RIMBP2: variants seen among roughly 807,000 people sequenced by gnomAD.
The protein encoded by RIMBP2 is RIMS-binding protein 2.
A neutral mutation model predicts 118.6 loss-of-function variants in RIMBP2; 48 were observed. That is an observed-to-expected ratio of 0.40 (90% confidence interval 0.32 to 0.51). The LOEUF is 0.51. Ranked by LOEUF, RIMBP2 falls within the 20% of genes least tolerant of loss-of-function variation. RIMBP2 has a pLI of 0.41. For missense variants in RIMBP2, 1,551 were observed against 1,768.3 expected, an observed-to-expected ratio of 0.88 and a Z score of 2.20; for synonymous variants, 762 against 742.9, an observed-to-expected ratio of 1.03 and a Z score of -0.42.
At chr12:130,716,026 C>T (rs1950304464) in intron 1 of RIMBP2, among the ~76,000 whole-genome samples, 196 bp downstream of exon 1, 1 of 151,974 alleles carries the variant, frequency 6.6e-6, no homozygotes, top group Admixed American at 6.5e-5. Flanking sequence ...GCCAGCAGGG[C>T]GAGCCGCTGC....
chr12:130,529,187 C>CTGATT (rs1200121279), intron 2 of RIMBP2, among the ~76,000 whole-genome samples: 2 of 152,122 alleles, frequency 1.3e-5, no homozygotes, highest in Admixed American at 1.3e-4. Context: ...CTGATTCATG[C>CTGATT]CACAACAGGG....
chr12:130,470,426 GAC>G (rs1321923905), intron 6 of RIMBP2: 2 of 354,054 alleles, frequency 5.6e-6, no homozygotes, highest in Non-Finnish European at 1.0e-5. Context: ...CCACATCTGA[GAC>G]ACACAGTTCT....
chr12:130,630,843 T>C (rs1392849814), intron 1 of RIMBP2, among the ~76,000 whole-genome samples: 1 of 152,104 alleles, frequency 6.6e-6, no homozygotes, highest in Non-Finnish European at 1.5e-5. Flanking sequence ...CAGTCAAGTG[T>C]GAGGATAGAG....
At chr12:130,604,094 AC>A (rs1415699811) in intron 2 of RIMBP2, among the ~76,000 whole-genome samples, 1 of 151,990 alleles carries the variant, frequency 6.6e-6, no homozygotes, top group Non-Finnish European at 1.5e-5. Context: ...GATGATCCTG[AC>A]CCCGGGTAGG....
intron 2 of RIMBP2, among the ~76,000 whole-genome samples, chr12:130,611,511 G>A (rs1408611202): frequency 3.3e-5 from 5 of 152,196 alleles, no homozygotes; most frequent in African/African-American, 7.2e-5. Flanking sequence ...GCCGGCTACC[G>A]GGCTTCGCTG....
chr12:130,683,739 T>TACAA lies in RIMBP2; in HGVS notation c.-352+32479_-352+32482dup, dbSNP rs2064912008. 6.6e-6 allele frequency among the ~76,000 whole-genome samples: 1 copy of TACAA among 152,178 alleles called. No homozygotes were observed. The highest frequency in any genetic ancestry group is 2.4e-5 in the African/African-American group (1 of 41,444). On this transcript the variant is annotated intron_variant, in intron 1 of 22. Transcript: ENST00000690449. This position sits in a 1 kb window ranked among gnomAD's most constrained non-coding sequence, Gnocchi z 4.4. ...CACTCCCACCAGCACTACGACAATT[T>TACAA]ACAAACGCCATGGCAATGTCAGGAA...
At chr12:130,552,691 A>G (rs547596100) in intron 2 of RIMBP2, among the ~76,000 whole-genome samples, 71 of 152,328 alleles carry the variant, frequency 4.7e-4, no homozygotes, top group African/African-American at 1.5e-3. Flanking sequence ...AGACAAATTC[A>G]TGATAAAAAG....
At chr12:130,464,515 G>A (rs1420555354) in intron 6 of RIMBP2, among the ~76,000 whole-genome samples, 3 of 152,164 alleles carry the variant, frequency 2.0e-5, no homozygotes, top group African/African-American at 4.8e-5. Context: ...ATTGATCACT[G>A]GCTGAATACC....
Position 130,403,445 on chromosome 12 carries a change from T to A in RIMBP2, c.3765+2727A>T, listed in dbSNP as rs139844735. Among the ~76,000 whole-genome samples the A allele has an allele frequency of 3.9e-3, 593 of 152,314 alleles. 3 individuals are homozygous for A. Among genetic ancestry groups the A allele is most frequent in the African/African-American group, 0.014 (565 of 41,570 alleles). On this transcript the variant is annotated intron_variant, in intron 21 of 22. Transcript: ENST00000690449. ...AACATGCAGACAAATTAGAAAAATC[T>A]TCTTAAATTCCAGGAAAGCCCATTG... is the stretch of plus-strand genomic sequence containing the variant.
At chr12:130,664,415 A>ACGCACGCACACACGCACACACACACACG (rs1195044326) in intron 1 of RIMBP2, among the ~76,000 whole-genome samples, 3 of 130,496 alleles carry the variant, frequency 2.3e-5, no homozygotes, top group Non-Finnish European at 3.4e-5. Flanking sequence ...ACGCACGCAC[A>ACGCACGCACACACGCACACACACACACG]CACACGCACA....
At chr12:130,514,520 C>G (rs180765163) in intron 3 of RIMBP2, among the ~76,000 whole-genome samples, 95 of 152,266 alleles carry the variant, frequency 6.2e-4, no homozygotes, top group African/African-American at 2.1e-3. Context: ...CCCATCCCCC[C>G]ACAGCTGGCA....
At chr12:130,601,338 A>G (rs1369357469) in intron 2 of RIMBP2, among the ~76,000 whole-genome samples, 4 of 98,298 alleles carry the variant, frequency 4.1e-5, no homozygotes, top group Non-Finnish European at 7.1e-5. Flanking sequence ...GGGCAGGCAA[A>G]AAAAAAAAAA....
At chr12:130,679,571 T>G (rs2064668877) in intron 1 of RIMBP2, among the ~76,000 whole-genome samples, 1 of 152,220 alleles carries the variant, frequency 6.6e-6, no homozygotes, top group Admixed American at 6.5e-5. Flanking sequence ...GTCCTGTCTC[T>G]GATGGTGCGG....
chr12:130,658,197 C>G (rs2063507475), intron 1 of RIMBP2: 1 of 152,276 alleles, frequency 6.6e-6, no homozygotes, highest in African/African-American at 2.4e-5. Context: ...AAGGTCAGCC[C>G]TGAGGAGGGA....
At position 130,648,658 on chromosome 12, in the gene RIMBP2, C is replaced by CTTT. The variant is rs575247641; in HGVS notation, c.-351-20205_-351-20203dup. On this transcript the variant is annotated intron_variant, in intron 1 of 22. Coordinates refer to ENST00000690449, the MANE Select transcript of RIMBP2 (RefSeq NM_001393629.1). ...GTTAAAAACTATCTAAAATTAGTAT[C>CTTT]TTTTTTTTTTTTTTTGAGACGGAGT... is the stretch of plus-strand genomic sequence containing the variant. 7.7e-3 allele frequency among the ~76,000 whole-genome samples: 1,015 copies of CTTT among 132,552 alleles called. 136 individuals carry two copies. Among genetic ancestry groups the CTTT allele is most frequent in the Non-Finnish European group, 0.014 (832 of 59,206 alleles). The allele number at this position is 132,552 out of a possible 152,430, so 87.0% of individuals were successfully genotyped here. A position where few individuals can be genotyped will look rare whatever the true frequency, so the allele number is the denominator to read the frequency against.
At position 130,414,282 on chromosome 12, in the gene RIMBP2, G is replaced by A. The variant is rs1262093247; in HGVS notation, c.3263C>T (p.Ser1088Phe). The A allele has an allele frequency of 6.2e-7, 1 of 1,603,616 alleles. No homozygotes were observed. The highest frequency in any genetic ancestry group is 1.1e-5 in the South Asian group (1 of 90,022). Residue 1088 changes from serine to phenylalanine, a missense_variant, in exon 18 of 23, where the codon TCT (serine) becomes TTT (phenylalanine). Physicochemically the swap from Ser to Phe is radical, Grantham distance 155. Coordinates refer to ENST00000690449, the MANE Select transcript of RIMBP2 (RefSeq NM_001393629.1). ...SIDDYGRDRL[S>F]PDFYEESETD... ...TTCTGACTCTTCATAGAAGTCTGGA[G>A]AAAGGCGGTCTCGCCCGTAATCGTC... is the stretch of plus-strand genomic sequence containing the variant.
At chr12:130,455,632 T>G (rs1312026111) in intron 7 of RIMBP2, among the ~76,000 whole-genome samples, 3 of 152,196 alleles carry the variant, frequency 2.0e-5, no homozygotes, top group Non-Finnish European at 4.4e-5. Context: ...AAGACACAAG[T>G]GGCATCTCCT....
At chr12:130,570,006 G>A (rs1047884330) in intron 2 of RIMBP2, among the ~76,000 whole-genome samples, 6 of 152,156 alleles carry the variant, frequency 3.9e-5, no homozygotes, top group African/African-American at 1.4e-4. Flanking sequence ...TTATGAGGAA[G>A]GAATGCCATC....
At chr12:130,463,905 AG>A in intron 6 of RIMBP2, among the ~76,000 whole-genome samples, 1 of 151,532 alleles carries the variant, frequency 6.6e-6, no homozygotes, top group Non-Finnish European at 1.5e-5. Context: ...AAGATGGCAA[AG>A]AGAGTGACCG....
Sources: gnomAD v4.1 joint callset for allele counts (sites outside exome capture counted in the v4.1 genomes callset) on GRCh38, gnomAD v4.1.1 for gene constraint, Gnocchi (gnomAD v3.1) non-coding constraint, MANE v1.5 for transcripts, NCBI Gene and HGNC (gene_info 2026-07-23, HGNC 2026-07-21) for gene names.